Variants in TRPM3 observed in about 807,000 individuals in gnomAD.
The protein encoded by TRPM3 is transient receptor potential cation channel subfamily M member 3.
A neutral mutation model predicts 181.2 loss-of-function variants in TRPM3; 77 were observed. The observed-to-expected ratio is 0.42, with a 90% CI of 0.35 to 0.51. The LOEUF (loss-of-function observed/expected upper bound fraction) is 0.51, where lower values mean the gene tolerates loss of function less well. Ranked by LOEUF, TRPM3 falls within the 20% of genes least tolerant of loss-of-function variation. TRPM3 has a pLI of 0.01. For synonymous variants in TRPM3, 745 were observed against 796.4 expected, an observed-to-expected ratio of 0.94 and a Z score of 1.09; for missense variants, 1,759 against 2,196.7, an observed-to-expected ratio of 0.80 and a Z score of 3.98.
At chr9:71,427,793 A>G (rs1016055792) in intron 1 of TRPM3, among the ~76,000 whole-genome samples, 73 of 152,180 alleles carry the variant, frequency 4.8e-4, no homozygotes, top group African/African-American at 1.7e-3. Flanking sequence ...TTGAAAAACT[A>G]CCTCCTGAGT....
At chr9:71,356,222 T>C (rs538048279) in intron 1 of TRPM3, among the ~76,000 whole-genome samples, 3 of 152,148 alleles carry the variant, frequency 2.0e-5, no homozygotes, top group Middle Eastern at 3.2e-3. Flanking sequence ...AGTTCAGGGG[T>C]ACATGTGCAG....
intron 1 of TRPM3, among the ~76,000 whole-genome samples, chr9:71,134,732 C>T (rs1368652261): frequency 2.0e-5 from 3 of 152,116 alleles, no homozygotes; most frequent in Non-Finnish European, 4.4e-5. Context: ...GAATTGAATG[C>T]TATCTTATTG....
At chr9:70,822,703 T>G (rs2093275312) in intron 6 of TRPM3, among the ~76,000 whole-genome samples, 2 of 152,008 alleles carry the variant, frequency 1.3e-5, no homozygotes, top group Non-Finnish European at 2.9e-5. Context: ...ATTAAAATGG[T>G]AAATTCTAGG....
chr9:71,233,915 T>C (rs1230601412), intron 1 of TRPM3, among the ~76,000 whole-genome samples: 1 of 152,260 alleles, frequency 6.6e-6, no homozygotes. Flanking sequence ...ACTATTTTGC[T>C]GAGGTCCCTT....
At chr9:70,579,976 C>T (rs1279151668) in intron 22 of TRPM3, among the ~76,000 whole-genome samples, 2 of 152,220 alleles carry the variant, frequency 1.3e-5, no homozygotes, top group Non-Finnish European at 2.9e-5. Flanking sequence ...CCCATTTCAA[C>T]GCCCCTTCCC....
At chr9:71,343,241 A>T (rs1451276823) in intron 1 of TRPM3, among the ~76,000 whole-genome samples, 1 of 152,120 alleles carries the variant, frequency 6.6e-6, no homozygotes, top group Non-Finnish European at 1.5e-5. Flanking sequence ...GAAACCCAGA[A>T]CTGAATGCAA....
At chr9:70,924,388 C>T (rs2096698415) in intron 1 of TRPM3, among the ~76,000 whole-genome samples, 1 of 152,150 alleles carries the variant, frequency 6.6e-6, no homozygotes, top group African/African-American at 2.4e-5. Flanking sequence ...TTCTTCAAAG[C>T]ATGAATTTAA....
At chr9:71,366,872 A>G (rs2092352873) in intron 1 of TRPM3, among the ~76,000 whole-genome samples, 1 of 152,128 alleles carries the variant, frequency 6.6e-6, no homozygotes, top group Non-Finnish European at 1.5e-5. Flanking sequence ...ATTCAAATGG[A>G]TTTCTTATAG....
At chr9:70,869,834 A>G (rs189975049) in intron 1 of TRPM3, among the ~76,000 whole-genome samples, 8 of 152,024 alleles carry the variant, frequency 5.3e-5, no homozygotes, top group African/African-American at 1.2e-4. Context: ...GGGTGGCCCA[A>G]TGGAGAGATT....
intron 1 of TRPM3, among the ~76,000 whole-genome samples, chr9:71,416,093 G>A (rs1156931229): frequency 6.7e-6 from 1 of 148,232 alleles, no homozygotes; most frequent in East Asian, 2.0e-4. Flanking sequence ...TAATAGCATT[G>A]TATTTCACAA....
intron 1 of TRPM3, among the ~76,000 whole-genome samples, chr9:71,047,018 T>C (rs185075059): frequency 2.6e-5 from 4 of 152,358 alleles, no homozygotes; most frequent in African/African-American, 4.8e-5. Context: ...AACTTGACCA[T>C]TGAAATATCT....
At chr9:71,373,677 T>A (rs1290961944) in intron 1 of TRPM3, among the ~76,000 whole-genome samples, 1 of 151,996 alleles carries the variant, frequency 6.6e-6, no homozygotes, top group Non-Finnish European at 1.5e-5. Flanking sequence ...GACAGATTCA[T>A]AGCTGAATTC....
At chr9:71,054,963 C>T (rs2060491804) in intron 1 of TRPM3, among the ~76,000 whole-genome samples, 1 of 152,094 alleles carries the variant, frequency 6.6e-6, no homozygotes, top group South Asian at 2.1e-4. Flanking sequence ...GCCTTCTCCA[C>T]AATGCCTGGC....
At chr9:71,290,003 T>C (rs974630168) in intron 1 of TRPM3, among the ~76,000 whole-genome samples, 1 of 149,364 alleles carries the variant, frequency 6.7e-6, no homozygotes, top group Non-Finnish European at 1.5e-5. Context: ...GATCATTATA[T>C]ATTATGTTCT....
chr9:71,423,534 G>T (rs745837137), intron 1 of TRPM3, among the ~76,000 whole-genome samples: 4 of 152,040 alleles, frequency 2.6e-5, no homozygotes, highest in Non-Finnish European at 5.9e-5. Flanking sequence ...CACCATGAAA[G>T]CAGTTTAAGT....
At chr9:70,959,753 TG>T in intron 1 of TRPM3, among the ~76,000 whole-genome samples, 1 of 152,270 alleles carries the variant, frequency 6.6e-6, no homozygotes, top group Middle Eastern at 3.4e-3. Context: ...CTTGGAAAAG[TG>T]GTAAGTTTCA....
At chr9:70,918,451 A>T (rs573897883) in intron 1 of TRPM3, among the ~76,000 whole-genome samples, 1 of 152,338 alleles carries the variant, frequency 6.6e-6, no homozygotes, top group South Asian at 2.1e-4. Flanking sequence ...AAATAAAACC[A>T]GAAATCAATA....
chr9:70,681,757 A>T (rs1459711857), intron 8 of TRPM3, among the ~76,000 whole-genome samples, 179 bp from the exon 9 acceptor site: 2 of 152,174 alleles, frequency 1.3e-5, no homozygotes, highest in African/African-American at 4.8e-5. Context: ...TAAGAGGGAG[A>T]TGCCTCAGTA....
chr9:70,893,315 C>T (rs2096238857), intron 1 of TRPM3, among the ~76,000 whole-genome samples: 2 of 152,144 alleles, frequency 1.3e-5, no homozygotes, highest in South Asian at 4.1e-4. Flanking sequence ...GGGTAATTCA[C>T]TTAAATGCTC....
Sources: allele counts gnomAD v4.1 joint callset (sites outside exome capture counted in the v4.1 genomes callset), GRCh38; gene constraint gnomAD v4.1.1; transcripts MANE v1.5; gene names NCBI Gene and HGNC (gene_info 2026-07-23, HGNC 2026-07-21).